MACROD2: variants seen among roughly 807,000 people sequenced by gnomAD.
MACROD2 encodes mono-ADP ribosylhydrolase 2, also known as ADP-ribose glycohydrolase MACROD2.
MACROD2 carries 36 observed loss-of-function variants against 70.4 expected under a neutral mutation model. That is an observed-to-expected ratio of 0.51 (90% CI 0.39 to 0.68). MACROD2 has a LOEUF of 0.68. MACROD2 is among the 30% of genes least tolerant of loss of function. The pLI is 0.00. For synonymous variants in MACROD2, 172 were observed against 178.8 expected (o/e 0.96, Z 0.30); for missense variants, 496 against 538.4 (o/e 0.92, Z 0.78).
chr20:14,132,683 G>T (rs902129928), intron 3 of MACROD2, among the ~76,000 whole-genome samples: 2 of 151,914 alleles, frequency 1.3e-5, no homozygotes, highest in African/African-American at 4.8e-5. Flanking sequence ...TGGTGCCCAG[G>T]CTGGAGTGCA....
intron 3 of MACROD2, among the ~76,000 whole-genome samples, chr20:14,133,401 T>A (rs1393746894): frequency 6.6e-6 from 1 of 152,160 alleles, no homozygotes; most frequent in East Asian, 1.9e-4. Flanking sequence ...TTTGTAAATA[T>A]GTTATTTTTC....
intron 4 of MACROD2, among the ~76,000 whole-genome samples, chr20:14,523,088 T>C (rs2123182331): frequency 6.6e-6 from 1 of 152,254 alleles, no homozygotes; most frequent in East Asian, 1.9e-4. Context: ...AAGGTCCTCT[T>C]CCATTTTCCG....
rs1252646118 is a variant in MACROD2, at chr20:16,052,203, C to T, written c.*2327C>T. On this transcript the variant is annotated 3_prime_UTR_variant, in exon 18 of 18. Transcript: ENST00000684519. ...GCTTTTTGGTTGTTATTTGGCTATA[C>T]AGTTTTATGCTTTAAAACAAATGAT... is the stretch of plus-strand genomic sequence containing the variant. 2 of 152,194 alleles carry T rather than the reference C, an allele frequency of 1.3e-5. No individual in the cohort carries two copies. Among genetic ancestry groups the T allele is most frequent in the Non-Finnish European group, 2.9e-5 (2 of 68,042 alleles). 9.4% of individuals were successfully genotyped at this position (152,194 alleles called of 1,614,324 possible).
intron 4 of MACROD2, among the ~76,000 whole-genome samples, chr20:14,651,044 T>C (rs557516722): frequency 3.3e-5 from 5 of 152,296 alleles, no homozygotes; most frequent in African/African-American, 9.6e-5. Context: ...ATATTAGGTC[T>C]ATAGAATGTC....
At chr20:14,220,897 A>G (rs1158728023) in intron 3 of MACROD2, among the ~76,000 whole-genome samples, 1 of 152,142 alleles carries the variant, frequency 6.6e-6, no homozygotes, top group Non-Finnish European at 1.5e-5. Flanking sequence ...CTGCAGGAGC[A>G]GTCTGCTTTT....
chr20:14,678,837 A>G (rs2070894148), intron 4 of MACROD2, among the ~76,000 whole-genome samples: 1 of 152,160 alleles, frequency 6.6e-6, no homozygotes, highest in Admixed American at 6.6e-5. Context: ...AACACTTCTA[A>G]TATAGAACCT....
At position 15,480,689 on chromosome 20, in the gene MACROD2, G is replaced by T. The variant is rs922765439; in HGVS notation, c.572-19085G>T. Among the ~76,000 whole-genome samples, 15 of 152,226 alleles carry T rather than the reference G, an allele frequency of 9.9e-5. 1 individual carries two copies. The highest frequency in any genetic ancestry group is 2.6e-4 in the African/African-American group (11 of 41,532). On this transcript the variant is annotated intron_variant, in intron 7 of 17. Transcript: ENST00000684519. ...GGGACATTGGGAGAAAGTGATTCGT[G>T]TATTTCTTACTTGTCTCCAACTCCC...
intron 6 of MACROD2, among the ~76,000 whole-genome samples, chr20:15,420,005 T>A (rs927919): frequency 1.3e-5 from 2 of 152,142 alleles, no homozygotes; most frequent in Admixed American, 1.3e-4. Flanking sequence ...AGTTTATAGA[T>A]GTAAACATTC....
At chr20:15,214,115 T>C (rs943991699) in intron 5 of MACROD2, among the ~76,000 whole-genome samples, 5 of 152,146 alleles carry the variant, frequency 3.3e-5, no homozygotes, top group Non-Finnish European at 7.4e-5. Context: ...TTTCTCCAGC[T>C]CTTTTTCCTA....
At chr20:14,844,160 G>T (rs1488015069) in intron 5 of MACROD2, among the ~76,000 whole-genome samples, 1 of 151,734 alleles carries the variant, frequency 6.6e-6, no homozygotes, top group East Asian at 1.9e-4. Flanking sequence ...ATGGCCTGAG[G>T]GTCTCAACAT....
In MACROD2 at chr20:14,493,803, A is replaced by G. The variant is rs534388150; in HGVS notation, c.301+295A>G. 3.2e-4 allele frequency: 66 copies of G among 204,798 alleles called. 1 individual carries two copies. Among genetic ancestry groups the G allele is most frequent in the African/African-American group, 1.5e-3 (65 of 43,080 alleles). The allele number at this position is 204,798 out of a possible 1,614,324, so 12.7% of individuals were successfully genotyped here. A position where few individuals can be genotyped will look rare whatever the true frequency, so the allele number is the denominator to read the frequency against. On this transcript the variant is annotated intron_variant, in intron 4 of 17. Transcript: ENST00000684519. ...ACACACATGTAATACATGTGTGTGC[A>G]TAGTTACAGAGTAACTATGTACATA... is the stretch of plus-strand genomic sequence containing the variant.
intron 4 of MACROD2, among the ~76,000 whole-genome samples, chr20:14,535,483 C>A (rs1249421501): frequency 9.1e-6 from 1 of 109,528 alleles, no homozygotes; most frequent in African/African-American, 3.7e-5. Context: ...CCAGCCTGTG[C>A]AACAAGAGTG....
chr20:14,955,456 C>T (rs2074527971), intron 5 of MACROD2, among the ~76,000 whole-genome samples: 1 of 151,270 alleles, frequency 6.6e-6, no homozygotes, highest in Non-Finnish European at 1.5e-5. Context: ...GCCCTCCACA[C>T]AAGTTAGTGT....
In MACROD2 at chr20:15,605,729, A is replaced by G. The variant is rs138882824; in HGVS notation, c.645+105882A>G. On this transcript the variant is annotated intron_variant, in intron 8 of 17. Transcript: ENST00000684519. ...GCAGTAGTTCTAATGAGTTTTGTGT[A>G]TAAGAAATAGGTGTGTCTTAGTCCA... Among the ~76,000 whole-genome samples, 633 of 152,334 alleles carry G rather than the reference A, an allele frequency of 4.2e-3. 2 individuals carry two copies. The highest frequency in any genetic ancestry group is 6.9e-3 in the Admixed American group (106 of 15,302).
Position 14,493,595 on chromosome 20 carries a change from A to G in MACROD2, c.301+87A>G, listed in dbSNP as rs563040940. ...TTTAGTAAGTTCTGTGACACTTAAA[A>G]GAAAATTAATTTTGCTGTAGTCATC... On this transcript the variant is annotated intron_variant, in intron 4 of 17. Transcript: ENST00000684519. The G allele has an allele frequency of 1.2e-5, 13 of 1,113,850 alleles. No individual in the cohort carries two copies. In the South Asian group the frequency reaches 1.2e-4, roughly 11 times the overall value. The allele number at this position is 1,113,850 out of a possible 1,614,324, so 69.0% of individuals were successfully genotyped here.
chr20:15,426,140 C>A (rs111897950), intron 6 of MACROD2, among the ~76,000 whole-genome samples: 44 of 151,764 alleles, frequency 2.9e-4, no homozygotes, highest in African/African-American at 1.0e-3. Flanking sequence ...GACCTTCCCT[C>A]CACTATTGTC....
At chr20:14,743,135 A>C (rs60224563) in intron 5 of MACROD2, among the ~76,000 whole-genome samples, 1 of 152,142 alleles carries the variant, frequency 6.6e-6, no homozygotes, top group Non-Finnish European at 1.5e-5. Flanking sequence ...GTATTTTTTT[A>C]AAAGATAGCT....
chr20:14,142,812 G>A (rs1471449026), intron 3 of MACROD2, among the ~76,000 whole-genome samples: 1 of 151,806 alleles, frequency 6.6e-6, no homozygotes, highest in Non-Finnish European at 1.5e-5. Flanking sequence ...CAAATACTCC[G>A]TCATTATGAA....
intron 8 of MACROD2, among the ~76,000 whole-genome samples, chr20:15,728,142 G>T (rs975219510): frequency 2.0e-5 from 3 of 152,044 alleles, no homozygotes; most frequent in Admixed American, 6.6e-5. Context: ...GCCTTTTTTA[G>T]CATCTATTGA....
Sources: gnomAD v4.1 joint callset for allele counts (sites outside exome capture counted in the v4.1 genomes callset) on GRCh38, gnomAD v4.1.1 for gene constraint, MANE v1.5 for transcripts, NCBI Gene and HGNC (gene_info 2026-07-23, HGNC 2026-07-21) for gene names.